Variants in FAM228A observed in about 807,000 individuals in gnomAD.
The protein encoded by FAM228A is protein FAM228A.
Under a neutral mutation model 18.6 loss-of-function variants are expected in FAM228A, and 13 were observed. The observed-to-expected ratio is 0.70, with a 90% confidence interval of 0.45 to 1.11. The LOEUF (loss-of-function observed/expected upper bound fraction) is 1.11. Ranked by LOEUF, FAM228A falls within the 50% of genes least tolerant of loss-of-function variation. FAM228A has a pLI of 0.00. For synonymous variants in FAM228A, 77 were observed against 86.6 expected, an observed-to-expected ratio of 0.89 and a Z score of 0.61; for missense variants, 240 against 242.2, an observed-to-expected ratio of 0.99 and a Z score of 0.06.
In FAM228A at chr2:24,191,600, A is replaced by G. The variant is rs1379617289; in HGVS notation, c.*969A>G. ...GTTTGCCACAGTCAAGCTTGTTGAC[A>G]TACCCACCAGCTCACATTTACTGTT... is the stretch of plus-strand genomic sequence containing the variant. On this transcript the variant is annotated 3_prime_UTR_variant, in exon 6 of 6. Transcript: ENST00000295150. 2 of 601,882 alleles carry G rather than the reference A, an allele frequency of 3.3e-6. No individual in the cohort carries two copies. Among genetic ancestry groups the G allele is most frequent in the African/African-American group, 2.0e-5 (1 of 50,234 alleles). 37.3% of individuals were successfully genotyped at this position (601,882 alleles called of 1,614,324 possible).
rs1255355425 is a variant in FAM228A at position 24,183,619 on chromosome 2, A to G, written c.375A>G (p.Arg125=). 1.2e-6 allele frequency: 2 copies of G among 1,608,068 alleles called. No individual in the cohort carries two copies. Among genetic ancestry groups the G allele is most frequent in the Admixed American group, 3.4e-5 (2 of 58,564 alleles). Residue 125 remains arginine (R), a synonymous_variant, in exon 5 of 6, where the codon AGA becomes AGG. Transcript: ENST00000295150. ...IPKEWHKASA[R]ARSKTYKYSP... The stretch of plus-strand genomic sequence containing the variant: ...AAGAGTGGCATAAAGCCTCTGCAAG[A>G]GCCAGGAGTAAAACTTACAAATACA...
At chr2:24,179,461 G>C (rs975415822) in intron 3 of FAM228A, among the ~76,000 whole-genome samples, 6 of 152,322 alleles carry the variant, frequency 3.9e-5, no homozygotes, top group Non-Finnish European at 2.9e-5. Context: ...GGGGATAGGA[G>C]TGTTGATTTG....
At chr2:24,184,377 CAAAAA>C (rs66895555) in intron 5 of FAM228A, among the ~76,000 whole-genome samples, 1 of 108,974 alleles carries the variant, frequency 9.2e-6, no homozygotes, top group Non-Finnish European at 1.9e-5. Context: ...GAGACACTGT[CAAAAA>C]AAAAAAAAAA....
rs1668085863 is a variant in FAM228A, at chr2:24,191,545, A to T, written c.*914A>T. 1.1e-6 allele frequency: 1 copy of T among 947,904 alleles called. No individual in the cohort carries two copies. Among genetic ancestry groups the T allele is most frequent in the African/African-American group, 1.8e-5 (1 of 56,668 alleles). The allele number at this position is 947,904 out of a possible 1,614,324, so 58.7% of individuals were successfully genotyped here. A position where few individuals can be genotyped will look rare whatever the true frequency, so the allele number is the denominator to read the frequency against. On this transcript the variant is annotated 3_prime_UTR_variant, in exon 6 of 6. Coordinates refer to ENST00000295150, the MANE Select transcript of FAM228A (RefSeq NM_001040710.3). ...TCAAATATTCAAGATGTACAACGTG[A>T]TGATTTGCTATAGGTATTCATTGTG...
At chr2:24,189,932 G>A (rs973103060) in intron 5 of FAM228A, among the ~76,000 whole-genome samples, 1 of 152,028 alleles carries the variant, frequency 6.6e-6, no homozygotes, top group Non-Finnish European at 1.5e-5. Context: ...GGAGGCTGGA[G>A]CCAGGCGCTC....
Position 24,191,501 on chromosome 2 carries a change from T to G in FAM228A, c.*870T>G, listed in dbSNP as rs1009585451. ...AATTATATCTGAGAGCACAGGGAGC[T>G]CCTCATTCCATGTATTTTTCAAATA... On this transcript the variant is annotated 3_prime_UTR_variant, in exon 6 of 6. Coordinates refer to ENST00000295150, the MANE Select transcript of FAM228A (RefSeq NM_001040710.3). 3.0e-6 allele frequency: 3 copies of G among 985,056 alleles called. No individual in the cohort carries two copies. In the African/African-American group the frequency reaches 5.2e-5, roughly 17 times the overall value. The allele number at this position is 985,056 out of a possible 1,614,324, so 61.0% of individuals were successfully genotyped here. A position where few individuals can be genotyped will look rare whatever the true frequency, so the allele number is the denominator to read the frequency against.
chr2:24,183,269 C>T lies in FAM228A; in HGVS notation c.163-16C>T. 2 of 1,582,322 alleles carry T rather than the reference C, an allele frequency of 1.3e-6. No individual in the cohort carries two copies. Among genetic ancestry groups the T allele is most frequent in the Non-Finnish European group, 8.7e-7 (1 of 1,151,094 alleles). On this transcript the variant is annotated splice_polypyrimidine_tract_variant and intron_variant, in intron 3 of 5. Transcript: ENST00000295150. ...GACTGCACTCTGGTACTCAAAGAGT[C>T]TCATTTCTCTTGTAGGTTACAGTCC...
rs1241899864 is a variant in FAM228A at position 24,183,539 on chromosome 2, A to G, written c.295A>G (p.Arg99Gly). Residue 99 changes from arginine (R) to glycine (G), a missense_variant, in exon 5 of 6, where the codon AGG becomes GGG. By Grantham distance (125) the Arg-to-Gly change is moderately radical (BLOSUM62 -2). Transcript: ENST00000295150. The stretch of plus-strand genomic sequence containing the variant: ...AGAACTTGAAGAAATAGAGAAGGCC[A>G]GGCTGCATGCCAGCTCGCCCTACTT... ...IKELEEIEKA[R>G]LHASSPYFTF... 2.5e-6 allele frequency: 4 copies of G among 1,613,926 alleles called. No individual in the cohort carries two copies.
intron 4 of FAM228A, 27 bp from the exon 5 acceptor site, chr2:24,183,468 T>C: frequency 6.2e-7 from 1 of 1,609,066 alleles, no homozygotes. Context: ...TGAAGAGTGT[T>C]GATTTCGATT....
At chr2:24,185,176 T>G (rs1203912150) in intron 5 of FAM228A, among the ~76,000 whole-genome samples, 1 of 152,204 alleles carries the variant, frequency 6.6e-6, no homozygotes, top group African/African-American at 2.4e-5. Context: ...TTAGAATTGC[T>G]TTTTGTATGT....
intron 5 of FAM228A, among the ~76,000 whole-genome samples, chr2:24,184,458 G>C (rs1667896066): frequency 6.6e-6 from 1 of 150,822 alleles, no homozygotes; most frequent in Admixed American, 6.6e-5. Context: ...TTCATTGTGT[G>C]ACTGCTTTTG....
intron 2 of FAM228A, among the ~76,000 whole-genome samples, chr2:24,176,467 G>A (rs1298438563): frequency 6.6e-6 from 1 of 152,166 alleles, no homozygotes; most frequent in East Asian, 1.9e-4. Context: ...TCTCCTGCCT[G>A]GGCCTTCAGA....
At chr2:24,189,995 A>C (rs1668041742) in intron 5 of FAM228A, among the ~76,000 whole-genome samples, 1 of 152,092 alleles carries the variant, frequency 6.6e-6, no homozygotes, top group African/African-American at 2.4e-5. Context: ...TGTGGCACTC[A>C]CCATTACTTC....
At chr2:24,187,493 T>C (rs914850197) in intron 5 of FAM228A, among the ~76,000 whole-genome samples, 2 of 152,250 alleles carry the variant, frequency 1.3e-5, no homozygotes. Context: ...TCTATGCGTT[T>C]TGACAAATGT....
At chr2:24,178,006 C>T (rs1667731163) in intron 3 of FAM228A, 136 bp downstream of exon 3, 2 of 578,138 alleles carry the variant, frequency 3.5e-6, no homozygotes, top group Non-Finnish European at 6.0e-6. Context: ...CTCTAATTTA[C>T]TTGTTTGTAC....
intron 5 of FAM228A, among the ~76,000 whole-genome samples, chr2:24,190,094 C>T (rs990485134): frequency 1.3e-5 from 2 of 152,152 alleles, no homozygotes; most frequent in Non-Finnish European, 2.9e-5. Context: ...CGCCGTTCTG[C>T]CTGACTTTCT....
intron 3 of FAM228A, among the ~76,000 whole-genome samples, chr2:24,180,122 C>A (rs916176662): frequency 6.6e-6 from 1 of 151,710 alleles, no homozygotes; most frequent in Non-Finnish European, 1.5e-5. Context: ...TTTAGGTGTG[C>A]ACTACTGGAT....
chr2:24,183,922 C>T (rs1667877335), intron 5 of FAM228A, among the ~76,000 whole-genome samples: 2 of 152,192 alleles, frequency 1.3e-5, no homozygotes, highest in Admixed American at 1.3e-4. Flanking sequence ...GAGCTCCCTT[C>T]ACTTTATAAG....
At chr2:24,182,065 G>C (rs1667828943) in intron 3 of FAM228A, among the ~76,000 whole-genome samples, 1 of 152,128 alleles carries the variant, frequency 6.6e-6, no homozygotes, top group African/African-American at 2.4e-5. Flanking sequence ...ACGTGGGAGG[G>C]AACACTCCTT....
Sources: allele counts gnomAD v4.1 joint callset (sites outside exome capture counted in the v4.1 genomes callset), GRCh38; gene constraint gnomAD v4.1.1; transcripts MANE v1.5; gene names NCBI Gene and HGNC (gene_info 2026-07-23, HGNC 2026-07-21).